BMPR1A: variants seen among roughly 807,000 people sequenced by gnomAD.
BMPR1A encodes bone morphogenetic protein receptor type-1A.
A neutral mutation model predicts 66.0 loss-of-function variants in BMPR1A; 7 were observed. The observed-to-expected ratio is 0.11, with a 90% CI of 0.06 to 0.20. BMPR1A has a LOEUF of 0.20. Ranked by LOEUF, BMPR1A falls within the 10% of genes least tolerant of loss-of-function variation. The pLI is 1.00. For missense variants in BMPR1A, 408 were observed against 669.1 expected, an observed-to-expected ratio of 0.61 and a Z score of 4.31; for synonymous variants, 200 against 229.7, an observed-to-expected ratio of 0.87 and a Z score of 1.17.
At chr10:86,809,704 A>G (rs1390737161) in intron 1 of BMPR1A, among the ~76,000 whole-genome samples, 1 of 148,326 alleles carries the variant, frequency 6.7e-6, no homozygotes, top group African/African-American at 2.5e-5. Flanking sequence ...CAGCCTCCCC[A>G]AGTATTGGGA....
chr10:86,820,458 A>G (rs984549419), intron 1 of BMPR1A, among the ~76,000 whole-genome samples: 1 of 151,010 alleles, frequency 6.6e-6, no homozygotes, highest in African/African-American at 2.4e-5. Context: ...AGATCACTGT[A>G]TGACTTCTTT....
At chr10:86,903,705 G>A (rs546042674) in intron 7 of BMPR1A, among the ~76,000 whole-genome samples, 4 of 151,978 alleles carry the variant, frequency 2.6e-5, no homozygotes, top group South Asian at 4.2e-4. Flanking sequence ...TCCACCTCCC[G>A]GGTTTACGCC....
chr10:86,819,863 C>T (rs1336848018), intron 1 of BMPR1A, among the ~76,000 whole-genome samples: 1 of 152,130 alleles, frequency 6.6e-6, no homozygotes, highest in Non-Finnish European at 1.5e-5. Flanking sequence ...CAACTTACTG[C>T]AATACTCTTA....
In BMPR1A at chr10:86,924,116, T is replaced by C. The variant is rs1843707987; in HGVS notation, c.*397T>C. On this transcript the variant is annotated 3_prime_UTR_variant, in exon 13 of 13. Transcript: ENST00000372037. ...GCAGCAGAGATGGAGAAATAGACTTTGCCTTTTACCTGAGACTTTCAGTTC... is the reference window on the plus strand; with the variant it reads ...GCAGCAGAGATGGAGAAATAGACTTCGCCTTTTACCTGAGACTTTCAGTTC... 1 of 363,480 alleles carries C rather than the reference T, an allele frequency of 2.8e-6. No homozygotes were observed. The highest frequency in any genetic ancestry group is 3.8e-5 in the South Asian group (1 of 26,518). The allele number at this position is 363,480 out of a possible 1,614,324, so 22.5% of individuals were successfully genotyped here.
At chr10:86,777,646 A>C (rs954926693) in intron 1 of BMPR1A, among the ~76,000 whole-genome samples, 5 of 152,148 alleles carry the variant, frequency 3.3e-5, no homozygotes, top group African/African-American at 1.2e-4. Flanking sequence ...ACAGTGTTAC[A>C]ATATTGTTCA....
intron 1 of BMPR1A, among the ~76,000 whole-genome samples, chr10:86,808,946 T>C (rs554983030): frequency 6.6e-6 from 1 of 152,306 alleles, no homozygotes; most frequent in African/African-American, 2.4e-5. Context: ...CTTCCCTGAA[T>C]GTTTCTCAGT....
At chr10:86,808,287 T>C (rs1324440730) in intron 1 of BMPR1A, among the ~76,000 whole-genome samples, 1 of 152,202 alleles carries the variant, frequency 6.6e-6, no homozygotes, top group Non-Finnish European at 1.5e-5. Context: ...ACTAGCTATT[T>C]GTGTCATCTT....
At chr10:86,815,453 T>C (rs1842023797) in intron 1 of BMPR1A, among the ~76,000 whole-genome samples, 1 of 152,188 alleles carries the variant, frequency 6.6e-6, no homozygotes, top group Non-Finnish European at 1.5e-5. Flanking sequence ...GCTTGTCCAC[T>C]TCAACCCTTA....
chr10:86,791,925 G>GC (rs1399869122), intron 1 of BMPR1A, among the ~76,000 whole-genome samples: 1 of 147,810 alleles, frequency 6.8e-6, no homozygotes, highest in African/African-American at 2.5e-5. Context: ...CACCACGTTG[G>GC]CCAGGCTGGT....
At position 86,853,685 on chromosome 10, in the gene BMPR1A, C is replaced by T. The variant is rs535966388; in HGVS notation, c.-153+14706C>T. Among the ~76,000 whole-genome samples, 293 of 152,190 alleles carry T rather than the reference C, an allele frequency of 1.9e-3. 1 individual carries two copies. The highest frequency in any genetic ancestry group is 3.4e-3 in the Middle Eastern group (1 of 294). ...GGCGTCCGGGGGAGACATCACATGTCGGTAGATTCCGTGATGCCCCACAAG... is the reference window on the plus strand; with the variant it reads ...GGCGTCCGGGGGAGACATCACATGTTGGTAGATTCCGTGATGCCCCACAAG... On this transcript the variant is annotated intron_variant, in intron 2 of 12. Transcript: ENST00000372037.
intron 1 of BMPR1A, among the ~76,000 whole-genome samples, chr10:86,787,470 G>T (rs1841532959): frequency 6.6e-6 from 1 of 152,186 alleles, no homozygotes; most frequent in African/African-American, 2.4e-5. Context: ...GGCAGAAATA[G>T]TAAAATCATC....
chr10:86,820,479 C>T (rs571567420), intron 1 of BMPR1A, among the ~76,000 whole-genome samples: 8 of 151,802 alleles, frequency 5.3e-5, no homozygotes, highest in East Asian at 3.9e-4. Flanking sequence ...TCTTCCTTCT[C>T]GGCTGTTTCA....
intron 2 of BMPR1A, among the ~76,000 whole-genome samples, chr10:86,858,594 G>A (rs1842675511): frequency 1.3e-5 from 2 of 152,068 alleles, no homozygotes; most frequent in African/African-American, 4.8e-5. Context: ...ATTTAGTAAG[G>A]TTGCAGAGTA....
chr10:86,793,889 C>T (rs956607714), intron 1 of BMPR1A, among the ~76,000 whole-genome samples: 1 of 152,180 alleles, frequency 6.6e-6, no homozygotes, highest in African/African-American at 2.4e-5. Flanking sequence ...GTGCCTCTTA[C>T]AGCCTCTAGA....
At chr10:86,849,214 G>T (rs779587613) in intron 2 of BMPR1A, among the ~76,000 whole-genome samples, 8 of 152,114 alleles carry the variant, frequency 5.3e-5, no homozygotes, top group Non-Finnish European at 8.8e-5. Flanking sequence ...ATCGTAATTG[G>T]TAAGATAAAC....
chr10:86,846,925 C>G (rs1024118729), intron 2 of BMPR1A, among the ~76,000 whole-genome samples: 1 of 152,126 alleles, frequency 6.6e-6, no homozygotes, highest in Non-Finnish European at 1.5e-5. Context: ...TTAAGCTTAG[C>G]GGATTTACTT....
chr10:86,846,666 A>G (rs1243079751), intron 2 of BMPR1A, among the ~76,000 whole-genome samples: 3 of 152,066 alleles, frequency 2.0e-5, no homozygotes, highest in Non-Finnish European at 2.9e-5. Flanking sequence ...GCGCCACTGC[A>G]CTTCAGCCTG....
At chr10:86,847,419 C>A (rs1842502592) in intron 2 of BMPR1A, among the ~76,000 whole-genome samples, 1 of 151,958 alleles carries the variant, frequency 6.6e-6, no homozygotes, top group Non-Finnish European at 1.5e-5. Context: ...CTTATGTATT[C>A]TTTCTTCCTT....
chr10:86,792,894 A>G (rs1489831389), intron 1 of BMPR1A, among the ~76,000 whole-genome samples: 3 of 152,134 alleles, frequency 2.0e-5, no homozygotes, highest in Non-Finnish European at 2.9e-5. Context: ...CTGTTTCCCT[A>G]TATATAAATG....
Sources: gnomAD v4.1 joint callset for allele counts (sites outside exome capture counted in the v4.1 genomes callset) on GRCh38, gnomAD v4.1.1 for gene constraint, MANE v1.5 for transcripts, NCBI Gene and HGNC (gene_info 2026-07-23, HGNC 2026-07-21) for gene names.